Variants in PRKAR1A observed in about 807,000 individuals in gnomAD.
PRKAR1A encodes the protein protein kinase cAMP-dependent type I regulatory subunit alpha, also known as cAMP-dependent protein kinase type I-alpha regulatory subunit.
Under a neutral mutation model 52.0 loss-of-function variants are expected in PRKAR1A, and 3 were observed. The observed-to-expected ratio is 0.06, with a 90% confidence interval of 0.03 to 0.15. The LOEUF (loss-of-function observed/expected upper bound fraction) is 0.15, where lower values mean the gene tolerates loss of function less well. Ranked by LOEUF, PRKAR1A falls within the 10% of genes least tolerant of loss-of-function variation. The probability of loss-of-function intolerance (pLI) is 1.00; values close to 1 mark genes in which losing one functional copy is unlikely to be tolerated. For synonymous variants in PRKAR1A, 188 were observed against 168.4 expected (o/e 1.12, Z -0.90); for missense variants, 240 against 477.4 (o/e 0.50, Z 4.63).
the PRKAR1A span, among the ~76,000 whole-genome samples, chr17:68,443,995 G>A: frequency 3.3e-5 from 5 of 152,304 alleles, no homozygotes; most frequent in East Asian, 9.6e-4. Context: ...CGAGAATTCA[G>A]TAAGGTTTAA....
chr17:68,454,537 T>C, the PRKAR1A span, among the ~76,000 whole-genome samples: 2 of 152,212 alleles, frequency 1.3e-5, no homozygotes, highest in African/African-American at 4.8e-5. Context: ...GCTAAGTAGC[T>C]AAACTGGTGG....
chr17:68,527,752 T>C, intron 7 of PRKAR1A, 88 bp from the exon 8 acceptor site: 1 of 1,174,544 alleles, frequency 8.5e-7, no homozygotes, highest in East Asian at 2.4e-5. Flanking sequence ...TTAAAATTTA[T>C]TTGAAACTTA....
chr17:68,431,536 G>A, the PRKAR1A span, among the ~76,000 whole-genome samples: 15 of 152,180 alleles, frequency 9.9e-5, no homozygotes, highest in Admixed American at 2.6e-4. Context: ...GAATAAAGGT[G>A]TCTGAGGAGG....
the PRKAR1A span, chr17:68,420,396 C>G: frequency 6.2e-7 from 1 of 1,614,204 alleles, no homozygotes. Context: ...GCAGATTACA[C>G]TCAGGACCCT....
the PRKAR1A span, chr17:68,450,657 A>C: frequency 1.3e-6 from 2 of 1,523,710 alleles, no homozygotes; most frequent in Admixed American, 2.1e-5. Flanking sequence ...ATTGATCTTG[A>C]AAGATGTCCA....
chr17:68,419,317 T>C, the PRKAR1A span, among the ~76,000 whole-genome samples: 2 of 152,182 alleles, frequency 1.3e-5, no homozygotes, highest in African/African-American at 2.4e-5. Context: ...TCCCAGCACT[T>C]TGGGAGGCCG....
Position 68,522,839 on chromosome 17 carries a change from C to G in PRKAR1A, c.261C>G (p.Pro87=). 1 of 1,614,032 alleles carries G rather than the reference C, an allele frequency of 6.2e-7. No individual in the cohort carries two copies. The highest frequency in any genetic ancestry group is 8.5e-7 in the Non-Finnish European group (1 of 1,179,924). Residue 87 remains proline, a synonymous_variant, in exon 3 of 11, where the codon CCC becomes CCG. Coordinates refer to ENST00000589228, the MANE Select transcript of PRKAR1A (RefSeq NM_002734.5). ...SREDEISPPP[P]NPVVKGRRRR... ...AGGATGAGATTTCTCCTCCTCCACC[C>G]AACCCAGTGGTTAAAGGTAGGAGGC...
At chr17:68,481,192 T>C in the PRKAR1A span, among the ~76,000 whole-genome samples, 1 of 152,236 alleles carries the variant, frequency 6.6e-6, no homozygotes, top group Non-Finnish European at 1.5e-5. Flanking sequence ...TAGTTACGCA[T>C]TAAAACCGCA....
chr17:68,450,957 C>G, the PRKAR1A span: 18 of 1,557,094 alleles, frequency 1.2e-5, no homozygotes, highest in Non-Finnish European at 1.4e-5. Flanking sequence ...AGGATTCCAG[C>G]CTCCATGACA....
At chr17:68,433,453 C>T in the PRKAR1A span, 1 of 1,611,072 alleles carries the variant, frequency 6.2e-7, no homozygotes, top group Non-Finnish European at 8.5e-7. Flanking sequence ...ATTTGGTGCC[C>T]CGCGGAGTAC....
At chr17:68,542,273 G>C (rs1600526959) in intron 11 of PRKAR1A, 1 of 1,208,746 alleles carries the variant, frequency 8.3e-7, no homozygotes, top group Admixed American at 2.0e-5. Context: ...TGAACTCACA[G>C]CTCGGGAAGA....
rs2085987690 is a variant in PRKAR1A, at chr17:68,531,962, T to C, written c.*1513T>C. On this transcript the variant is annotated 3_prime_UTR_variant, in exon 11 of 11. Transcript: ENST00000589228. Reference sequence around the variant, plus strand: ...TGTGTGCAACTAACTGACTCTGTTATTGATCCCTTCTCCTGCCCTTTCCCA... The same window carrying C: ...TGTGTGCAACTAACTGACTCTGTTACTGATCCCTTCTCCTGCCCTTTCCCA... The C allele has an allele frequency of 2.8e-6, 3 of 1,066,008 alleles. No homozygotes were observed. The highest frequency in any genetic ancestry group is 1.6e-5 in the African/African-American group (1 of 61,100). The allele number at this position is 1,066,008 out of a possible 1,614,324, so 66.0% of individuals were successfully genotyped here.
chr17:68,449,744 C>T, the PRKAR1A span, among the ~76,000 whole-genome samples: 1 of 152,220 alleles, frequency 6.6e-6, no homozygotes, highest in African/African-American at 2.4e-5. Context: ...GTACAGCCTG[C>T]AGAACCTTGA....
upstream of PRKAR1A, among the ~76,000 whole-genome samples, chr17:68,509,347 T>C (rs943091385): frequency 6.6e-6 from 1 of 152,102 alleles, no homozygotes; most frequent in African/African-American, 2.4e-5. Context: ...AATTTTTTTG[T>C]AGAGACGGCG....
At chr17:68,459,633 T>C in the PRKAR1A span, among the ~76,000 whole-genome samples, 3 of 152,114 alleles carry the variant, frequency 2.0e-5, no homozygotes, top group Admixed American at 6.5e-5. Flanking sequence ...GACCAAATCA[T>C]AGAGTTGTTT....
chr17:68,530,138 G>A, intron 10 of PRKAR1A, 137 bp downstream of exon 10: 1 of 1,479,080 alleles, frequency 6.8e-7, no homozygotes, highest in South Asian at 1.1e-5. Context: ...TGAGAGGGAA[G>A]GTGTGAGATT....
chr17:68,537,802 C>T (rs2086138876), downstream of PRKAR1A: 1 of 1,542,986 alleles, frequency 6.5e-7, no homozygotes, highest in Admixed American at 1.9e-5. The surrounding 1 kb of genome is among the most constrained non-coding windows in gnomAD (Gnocchi z 4.2). Flanking sequence ...CTTGCCTGAA[C>T]TTCTTTCCCC....
At chr17:68,453,024 G>T in the PRKAR1A span, 6 of 1,557,980 alleles carry the variant, frequency 3.9e-6, no homozygotes, top group Non-Finnish European at 5.3e-6. Context: ...TGGGAATAAC[G>T]ACAGGTATTC....
upstream of PRKAR1A, among the ~76,000 whole-genome samples, chr17:68,506,918 G>A (rs2085206573): frequency 1.3e-5 from 2 of 152,214 alleles, no homozygotes; most frequent in Admixed American, 6.5e-5. Context: ...GTCCATACAT[G>A]GATGGGCTTC....
Sources: allele counts gnomAD v4.1 joint callset (sites outside exome capture counted in the v4.1 genomes callset), GRCh38; gene constraint gnomAD v4.1.1; non-coding constraint Gnocchi (gnomAD v3.1); transcripts MANE v1.5; gene names NCBI Gene and HGNC (gene_info 2026-07-23, HGNC 2026-07-21).